NTMT1: variants seen among roughly 807,000 people sequenced by gnomAD.
NTMT1 encodes the protein N-terminal Xaa-Pro-Lys N-methyltransferase 1.
A neutral mutation model predicts 17.5 loss-of-function variants in NTMT1; 8 were observed. That is an observed-to-expected ratio of 0.46 (90% confidence interval 0.27 to 0.82). The LOEUF (loss-of-function observed/expected upper bound fraction) is 0.82. NTMT1 is among the 40% of genes least tolerant of loss of function. The probability of loss-of-function intolerance (pLI) is 0.15; values close to 1 mark genes in which losing one functional copy is unlikely to be tolerated. For missense variants in NTMT1, 221 were observed against 303.5 expected (o/e 0.73, Z 2.02); for synonymous variants, 128 against 126.8 (o/e 1.01, Z -0.06).
rs748602993 is a variant in NTMT1, at chr9:129,613,526, C to T, written c.-55+4348C>T. On this transcript the variant is annotated intron_variant, in intron 1 of 3. Coordinates refer to the NTMT1 transcript ENST00000372486. This position sits in a 1 kb window ranked among gnomAD's most constrained non-coding sequence, Gnocchi z 6.2. ...TTGGGCAAACTCTCCAGCCGTTTTC[C>T]GACACTCCCAAACACCCGCTCGGAC... 37 of 1,614,052 alleles carry T rather than the reference C, an allele frequency of 2.3e-5. No homozygotes were observed. The highest frequency in any genetic ancestry group is 4.0e-5 in the African/African-American group (3 of 74,932).
intron 1 of NTMT1, among the ~76,000 whole-genome samples, chr9:129,627,455 C>T (rs1190389874): frequency 3.9e-5 from 6 of 152,214 alleles, no homozygotes; most frequent in Non-Finnish European, 7.3e-5. Context: ...GATTTCTAAG[C>T]TCAAGAGAGA....
chr9:129,627,548 T>C (rs1170764547), intron 1 of NTMT1, among the ~76,000 whole-genome samples: 1 of 152,264 alleles, frequency 6.6e-6, no homozygotes, highest in Non-Finnish European at 1.5e-5. Context: ...TCGGTATTAC[T>C]GTTCCATTTT....
At chr9:129,623,374 G>GAA (rs1830798544), upstream of NTMT1, among the ~76,000 whole-genome samples, 2 of 137,478 alleles carry the variant, frequency 1.5e-5, no homozygotes, top group South Asian at 4.7e-4. Flanking sequence ...AGGAAGAAAA[G>GAA]AAATTAACAG....
chr9:129,618,641 G>A (rs1830507474), intron 1 of NTMT1, among the ~76,000 whole-genome samples: 1 of 152,038 alleles, frequency 6.6e-6, no homozygotes, highest in African/African-American at 2.4e-5. Context: ...TTGGATCAAT[G>A]GATGGATGGA....
At position 129,614,549 on chromosome 9, in the gene NTMT1, A is replaced by G. The variant is rs1830257211; in HGVS notation, c.-55+5371A>G. Among the ~76,000 whole-genome samples, 1 of 152,230 alleles carries G rather than the reference A, an allele frequency of 6.6e-6. No individual in the cohort carries two copies. Among genetic ancestry groups the G allele is most frequent in the Non-Finnish European group, 1.5e-5 (1 of 68,044 alleles). On this transcript the variant is annotated intron_variant, in intron 1 of 3. Transcript: ENST00000372486. This position sits in a 1 kb window ranked among gnomAD's most constrained non-coding sequence, Gnocchi z 4.4. ...CACAGAAAAAGGTGGAGCTTAGTCA[A>G]GGTTATACCAGAGTAAGAACAGGGA...
intron 3 of NTMT1, 98 bp from the exon 4 acceptor site, chr9:129,635,110 C>G: frequency 7.0e-7 from 1 of 1,428,928 alleles, no homozygotes; most frequent in Non-Finnish European, 9.5e-7. Context: ...AAATGCTGGG[C>G]ACAAATGAGG....
At chr9:129,615,361 G>T in intron 1 of NTMT1, 3 of 1,063,606 alleles carry the variant, frequency 2.8e-6, no homozygotes, top group Non-Finnish European at 3.9e-6. Context: ...TCCTCTGCAG[G>T]ATCACTGATC....
At chr9:129,612,297 C>T (rs1167187968) in intron 1 of NTMT1, 1 of 1,484,324 alleles carries the variant, frequency 6.7e-7, no homozygotes, top group Non-Finnish European at 9.3e-7. Flanking sequence ...AGGAAGGACG[C>T]TCCTCATTGC....
At position 129,620,047 on chromosome 9, in the gene NTMT1, C is replaced by T. The variant is rs1188722844; in HGVS notation, c.-55+10869C>T. On this transcript the variant is annotated intron_variant, in intron 1 of 3. Coordinates refer to the NTMT1 transcript ENST00000372486. The surrounding 1 kb of genome is among the most constrained non-coding windows in gnomAD (Gnocchi z 5.8). ...CCGGAAATGACTCGGGCCCGCCCCC[C>T]GGGCCCCGCGGGGCCTCACTCAGTG... 1 of 1,452,534 alleles carries T rather than the reference C, an allele frequency of 6.9e-7. No individual in the cohort carries two copies. The highest frequency in any genetic ancestry group is 9.1e-7 in the Non-Finnish European group (1 of 1,100,342). 90.0% of individuals were successfully genotyped at this position (1,452,534 alleles called of 1,614,324 possible). A position where few individuals can be genotyped will look rare whatever the true frequency, so the allele number is the denominator to read the frequency against.
Position 129,613,649 on chromosome 9 carries a change from G to T in NTMT1, c.-55+4471G>T. On this transcript the variant is annotated intron_variant, in intron 1 of 3. Transcript: ENST00000372486. This position sits in a 1 kb window ranked among gnomAD's most constrained non-coding sequence, Gnocchi z 6.2. Reference sequence around the variant, plus strand: ...CTCTGCCCAGGAGGAGGGCACTGGTGCCCCCACCCTCTTTTCCTCCCTCTG... The same window carrying T: ...CTCTGCCCAGGAGGAGGGCACTGGTTCCCCCACCCTCTTTTCCTCCCTCTG... 1 of 1,605,646 alleles carries T rather than the reference G, an allele frequency of 6.2e-7. No individual in the cohort carries two copies. Among genetic ancestry groups the T allele is most frequent in the Non-Finnish European group, 8.5e-7 (1 of 1,174,714 alleles).
At chr9:129,634,578 C>T in intron 3 of NTMT1, 1 of 414,758 alleles carries the variant, frequency 2.4e-6, no homozygotes, top group Non-Finnish European at 4.3e-6. Flanking sequence ...ATTTTAATGG[C>T]CAATAACTTA....
At chr9:129,633,527 T>C (rs78542060) in intron 2 of NTMT1, 2,473 of 156,246 alleles carry the variant, frequency 0.016, 69 homozygotes, top group African/African-American at 0.055. Flanking sequence ...TTTAGAAATG[T>C]GTGGCCCAGG....
chr9:129,621,405 G>A (rs1830704363), upstream of NTMT1, among the ~76,000 whole-genome samples: 1 of 152,200 alleles, frequency 6.6e-6, no homozygotes, highest in Non-Finnish European at 1.5e-5. Flanking sequence ...CACCCAGGCT[G>A]GAGTGCAATG....
In NTMT1 at chr9:129,620,291, C is replaced by T. The variant is rs1830621999; in HGVS notation, c.-55+11113C>T. 7.9e-7 allele frequency: 1 copy of T among 1,262,296 alleles called. No individual in the cohort carries two copies. Among genetic ancestry groups the T allele is most frequent in the African/African-American group, 1.6e-5 (1 of 64,428 alleles). 78.2% of individuals were successfully genotyped at this position (1,262,296 alleles called of 1,614,324 possible). A position where few individuals can be genotyped will look rare whatever the true frequency, so the allele number is the denominator to read the frequency against. On this transcript the variant is annotated intron_variant, in intron 1 of 3. Transcript: ENST00000372486. This position sits in a 1 kb window ranked among gnomAD's most constrained non-coding sequence, Gnocchi z 5.8. Reference sequence around the variant, plus strand: ...AGGCGGCAGCAGGGACCGCAGCAGCCCCCGCTTCCGCACGGCCCGCCGGGT... The same window carrying T: ...AGGCGGCAGCAGGGACCGCAGCAGCTCCCGCTTCCGCACGGCCCGCCGGGT...
intron 2 of NTMT1, 32 bp downstream of exon 2, chr9:129,632,897 G>A (rs1463641517): frequency 6.2e-7 from 1 of 1,605,250 alleles, no homozygotes; most frequent in Admixed American, 1.7e-5. Context: ...TCCAGGAGAG[G>A]CTGTGGCTCT....
chr9:129,622,849 G>T (rs1273630152), upstream of NTMT1, among the ~76,000 whole-genome samples: 2 of 152,078 alleles, frequency 1.3e-5, no homozygotes, highest in Non-Finnish European at 2.9e-5. Context: ...GCCACATGGT[G>T]AAACCCCGTC....
chr9:129,620,285 A>C lies in NTMT1; in HGVS notation c.-55+11107A>C. Reference sequence around the variant, plus strand: ...CAGGGGAGGCGGCAGCAGGGACCGCAGCAGCCCCCGCTTCCGCACGGCCCG... The same window carrying C: ...CAGGGGAGGCGGCAGCAGGGACCGCCGCAGCCCCCGCTTCCGCACGGCCCG... On this transcript the variant is annotated intron_variant, in intron 1 of 3. Transcript: ENST00000372486. This position sits in a 1 kb window ranked among gnomAD's most constrained non-coding sequence, Gnocchi z 5.8. 2.4e-6 allele frequency: 3 copies of C among 1,272,794 alleles called. No homozygotes were observed. The highest frequency in any genetic ancestry group is 6.0e-5 in the South Asian group (2 of 33,198). The allele number at this position is 1,272,794 out of a possible 1,614,324, so 78.8% of individuals were successfully genotyped here.
At position 129,632,552 on chromosome 9, in the gene NTMT1, G is replaced by C. The variant is rs1462831560; in HGVS notation, c.-54-98G>C. 9.9e-6 allele frequency: 8 copies of C among 804,308 alleles called. No homozygotes were observed. The African/African-American group carries it at 1.4e-4, about 14-fold the overall frequency. The allele number at this position is 804,308 out of a possible 1,614,324, so 49.8% of individuals were successfully genotyped here. ...GACTTCTCTCTGCACTCAGCAGGAT[G>C]TGTGACTTGTGAAGCCTGGTGTGAG... is the stretch of plus-strand genomic sequence containing the variant. On this transcript the variant is annotated intron_variant, in intron 1 of 3. Coordinates refer to ENST00000372483, the MANE Select transcript of NTMT1 (RefSeq NM_014064.4).
At position 129,610,747 on chromosome 9, in the gene NTMT1, G is replaced by C. The variant is rs563527968; in HGVS notation, c.-55+1569G>C. On this transcript the variant is annotated intron_variant, in intron 1 of 3. Transcript: ENST00000372486. ...GCCGCGGTGCTGCAGCCGGCGCAGG[G>C]GCCGGGGCCCGCCGCGACCCTTGGG... 1.2e-3 allele frequency among the ~76,000 whole-genome samples: 185 copies of C among 152,274 alleles called. 3 individuals carry two copies. Among genetic ancestry groups the C allele is most frequent in the African/African-American group, 4.3e-3 (177 of 41,570 alleles).
Sources: allele counts gnomAD v4.1 joint callset (sites outside exome capture counted in the v4.1 genomes callset), GRCh38; gene constraint gnomAD v4.1.1; non-coding constraint Gnocchi (gnomAD v3.1); transcripts MANE v1.5; gene names NCBI Gene and HGNC (gene_info 2026-07-23, HGNC 2026-07-21).